LRPPRC: variants seen among roughly 807,000 people sequenced by gnomAD.
The protein encoded by LRPPRC is leucine rich pentatricopeptide repeat containing.
Under a neutral mutation model 180.3 loss-of-function variants are expected in LRPPRC, and 120 were observed. The observed-to-expected ratio is 0.67, with a 90% CI of 0.57 to 0.77. The LOEUF (loss-of-function observed/expected upper bound fraction) is 0.77, where lower values mean the gene tolerates loss of function less well. Among genes scored for constraint, LRPPRC ranks in the 30% least tolerant of loss-of-function variants. LRPPRC has a pLI of 0.00. For missense variants in LRPPRC, 2,012 were observed against 1,657.2 expected, an observed-to-expected ratio of 1.21 and a Z score of -3.72; for synonymous variants, 723 against 600.0, an observed-to-expected ratio of 1.21 and a Z score of -3.00.
chr2:43,975,288 T>G (rs1405248882), intron 6 of LRPPRC, 71 bp from the exon 7 acceptor site: 2 of 1,288,484 alleles, frequency 1.6e-6, no homozygotes. Context: ...AACTAAAACA[T>G]ATGCTTATTA....
intron 12 of LRPPRC, among the ~76,000 whole-genome samples, chr2:43,962,615 A>C (rs1225197071): frequency 6.6e-6 from 1 of 152,186 alleles, no homozygotes; most frequent in African/African-American, 2.4e-5. Flanking sequence ...TGCTAATCCA[A>C]TGCACTGTCC....
At chr2:43,927,411 T>C (rs1215005384) in intron 25 of LRPPRC, among the ~76,000 whole-genome samples, 1 of 152,222 alleles carries the variant, frequency 6.6e-6, no homozygotes, top group Non-Finnish European at 1.5e-5. Flanking sequence ...TCATTTCCTA[T>C]ATCATCCACT....
rs563218482 is a variant in LRPPRC at position 43,943,455 on chromosome 2, C to G, written c.2504+232G>C. Among the ~76,000 whole-genome samples the G allele has an allele frequency of 8.5e-5, 13 of 152,072 alleles. No individual in the cohort carries two copies. The South Asian group carries it at 2.7e-3, about 32-fold the overall frequency. ...AACTAGATTCAAATTCAAGTGATCACATGCTCCTACAAAAAAAGCACCAGG... is the reference window on the plus strand; with the variant it reads ...AACTAGATTCAAATTCAAGTGATCAGATGCTCCTACAAAAAAAGCACCAGG... On this transcript the variant is annotated intron_variant, in intron 23 of 37. Coordinates refer to ENST00000260665, the MANE Select transcript of LRPPRC (RefSeq NM_133259.4).
At position 43,918,799 on chromosome 2, in the gene LRPPRC, ATATATATATAGATATATATATATC is replaced by A. The variant is rs1558938220; in HGVS notation, c.2897-425_2897-402del. Among the ~76,000 whole-genome samples the A allele has an allele frequency of 5.2e-4, 71 of 136,786 alleles. No homozygotes were observed. In the South Asian group the frequency reaches 5.6e-3, roughly 11 times the overall value. The allele number at this position is 136,786 out of a possible 152,430, so 89.7% of individuals were successfully genotyped here. A position where few individuals can be genotyped will look rare whatever the true frequency, so the allele number is the denominator to read the frequency against. The stretch of plus-strand genomic sequence containing the variant: ...GAAATATATATATATATAGATATAT[ATATATATATAGATATATATATATC>A]TATATATAGATATCTCTATATATAG... On this transcript the variant is annotated intron_variant, in intron 27 of 37. Transcript: ENST00000260665.
At chr2:43,889,009 T>C (rs114317197) in intron 37 of LRPPRC, among the ~76,000 whole-genome samples, 1 of 152,302 alleles carries the variant, frequency 6.6e-6, no homozygotes, top group Non-Finnish European at 1.5e-5. Context: ...ATTGTGCATA[T>C]GTGATTTCTC....
chr2:43,938,065 G>A (rs1048339251), intron 23 of LRPPRC, among the ~76,000 whole-genome samples: 1 of 152,066 alleles, frequency 6.6e-6, no homozygotes, highest in East Asian at 1.9e-4. Flanking sequence ...CAGCATATAT[G>A]CATAATTCCT....
At chr2:43,988,427 T>C (rs1030347080) in intron 1 of LRPPRC, among the ~76,000 whole-genome samples, 5 of 151,976 alleles carry the variant, frequency 3.3e-5, no homozygotes, top group South Asian at 2.1e-4. Flanking sequence ...TCCCAGCTAG[T>C]TGGGAGGCTG....
intron 27 of LRPPRC, among the ~76,000 whole-genome samples, chr2:43,920,079 T>TA (rs1023425078): frequency 4.1e-3 from 328 of 79,438 alleles, no homozygotes; most frequent in Admixed American, 7.3e-3. Context: ...ATCAGCAATT[T>TA]AAAAAAAAAA....
intron 21 of LRPPRC, among the ~76,000 whole-genome samples, chr2:43,945,636 T>C (rs1051583566): frequency 2.6e-5 from 4 of 152,070 alleles, no homozygotes; most frequent in African/African-American, 9.7e-5. Flanking sequence ...TACATATATA[T>C]TGCATCACTC....
chr2:43,945,973 C>T (rs1394502177), intron 21 of LRPPRC, 140 bp downstream of exon 21: 16 of 868,538 alleles, frequency 1.8e-5, no homozygotes, highest in Non-Finnish European at 2.8e-5. Context: ...CCGTATAATA[C>T]GAAATTTCAA....
chr2:43,948,066 A>C lies in LRPPRC; in HGVS notation c.1920+56T>G, dbSNP rs1672757506. On this transcript the variant is annotated intron_variant, in intron 18 of 37. Coordinates refer to ENST00000260665, the MANE Select transcript of LRPPRC (RefSeq NM_133259.4). ...CATCATATTTAAATAAAATTTTAAC[A>C]TGCTGTTATATGTAAGTTAAGCATT... 4 of 1,153,900 alleles carry C rather than the reference A, an allele frequency of 3.5e-6. No homozygotes were observed. The South Asian group carries it at 5.0e-5, about 14-fold the overall frequency. The allele number at this position is 1,153,900 out of a possible 1,614,324, so 71.5% of individuals were successfully genotyped here.
chr2:43,941,406 G>A (rs1357771299), intron 23 of LRPPRC, among the ~76,000 whole-genome samples: 2 of 152,102 alleles, frequency 1.3e-5, no homozygotes, highest in African/African-American at 2.4e-5. Flanking sequence ...TTATGATGAT[G>A]TTTCAAAATG....
chr2:43,970,638 A>G (rs1273827025), intron 11 of LRPPRC, among the ~76,000 whole-genome samples: 2 of 152,342 alleles, frequency 1.3e-5, no homozygotes, highest in East Asian at 3.9e-4. Flanking sequence ...ATCTAGAGGA[A>G]AGTCTCCATT....
chr2:43,896,844 T>C (rs1670704715), intron 34 of LRPPRC, 136 bp from the exon 35 acceptor site: 1 of 648,726 alleles, frequency 1.5e-6, no homozygotes, highest in South Asian at 1.7e-5. Context: ...TAGTCGACTA[T>C]TATTTTTTAA....
chr2:43,988,520 G>C (rs940813701), intron 1 of LRPPRC, among the ~76,000 whole-genome samples: 1 of 152,230 alleles, frequency 6.6e-6, no homozygotes, highest in Non-Finnish European at 1.5e-5. Flanking sequence ...TGGGCAGTAA[G>C]AGCGAAACTC....
At chr2:43,942,039 A>C (rs1672500718) in intron 23 of LRPPRC, among the ~76,000 whole-genome samples, 1 of 152,068 alleles carries the variant, frequency 6.6e-6, no homozygotes, top group Non-Finnish European at 1.5e-5. Context: ...AGAAGCACAG[A>C]GGATGCTCTA....
At chr2:43,939,299 A>C (rs1672390287) in intron 23 of LRPPRC, among the ~76,000 whole-genome samples, 1 of 150,478 alleles carries the variant, frequency 6.6e-6, no homozygotes. Context: ...AAATAAAAAT[A>C]AAAATAAAAA....
intron 3 of LRPPRC, 85 bp from the exon 4 acceptor site, chr2:43,977,361 G>C (rs900223003): frequency 4.1e-5 from 43 of 1,048,440 alleles, no homozygotes; most frequent in Non-Finnish European, 6.0e-5. Flanking sequence ...CAAACAAAAA[G>C]AGTAAAACTA....
intron 30 of LRPPRC, among the ~76,000 whole-genome samples, chr2:43,910,135 A>T (rs1671205374): frequency 6.6e-6 from 1 of 152,184 alleles, no homozygotes; most frequent in Non-Finnish European, 1.5e-5. Flanking sequence ...AATTGGCTGC[A>T]ATTGCAGTTT....
Sources: allele counts gnomAD v4.1 joint callset (sites outside exome capture counted in the v4.1 genomes callset), GRCh38; gene constraint gnomAD v4.1.1; transcripts MANE v1.5; gene names NCBI Gene and HGNC (gene_info 2026-07-23, HGNC 2026-07-21).